RASGRF1: variants seen among roughly 807,000 people sequenced by gnomAD.
RASGRF1 encodes Ras protein specific guanine nucleotide releasing factor 1, also known as ras-specific guanine nucleotide-releasing factor 1.
A neutral mutation model predicts 138.7 loss-of-function variants in RASGRF1; 40 were observed. That is an observed-to-expected ratio of 0.29 (90% CI 0.22 to 0.38). RASGRF1 has a LOEUF of 0.38. Ranked by LOEUF, RASGRF1 falls within the 10% of genes least tolerant of loss-of-function variation. The pLI is 1.00. For synonymous variants in RASGRF1, 614 were observed against 663.2 expected (o/e 0.93, Z 1.14); for missense variants, 1,108 against 1,650.4 (o/e 0.67, Z 5.69).
chr15:79,050,041 G>A lies in RASGRF1; in HGVS notation c.532-453C>T, dbSNP rs2057409713. ...CATTTTAACAATTTTTAAGGGTATG[G>A]TTCAGTGGCATTAAGGACATTCACA... On this transcript the variant is annotated intron_variant, in intron 3 of 26. Coordinates refer to ENST00000558480, the MANE Select transcript of RASGRF1 (RefSeq NM_001145648.3). The surrounding 1 kb of genome is among the most constrained non-coding windows in gnomAD (Gnocchi z 4.1). Among the ~76,000 whole-genome samples, 1 of 152,136 alleles carries A rather than the reference G, an allele frequency of 6.6e-6. No individual in the cohort carries two copies. Among genetic ancestry groups the A allele is most frequent in the Admixed American group, 6.5e-5 (1 of 15,288 alleles).
chr15:79,005,548 CCTACTG>C (rs2056651560), intron 14 of RASGRF1: 1 of 985,612 alleles, frequency 1.0e-6, no homozygotes, highest in African/African-American at 1.7e-5. Context: ...CTGAACTTGG[CCTACTG>C]CTGGACAGCC....
chr15:79,059,850 G>A (rs879741670), intron 2 of RASGRF1, among the ~76,000 whole-genome samples: 8 of 151,832 alleles, frequency 5.3e-5, no homozygotes, highest in Non-Finnish European at 7.4e-5. Flanking sequence ...GCCTTTTTTC[G>A]TACATAGGAA....
chr15:79,083,583 C>T (rs2057942227), intron 1 of RASGRF1, among the ~76,000 whole-genome samples: 1 of 152,202 alleles, frequency 6.6e-6, no homozygotes, highest in Non-Finnish European at 1.5e-5. Flanking sequence ...CATATTTTCA[C>T]CTGCTATTAA....
intron 5 of RASGRF1, among the ~76,000 whole-genome samples, chr15:79,044,165 T>C (rs4778847): frequency 0.82 from 124,996 of 152,216 alleles, 51,452 homozygotes; most frequent in Admixed American, 0.86. Flanking sequence ...AGGGGCTGAG[T>C]TTCCTGCGAC....
chr15:79,062,696 G>A (rs184888401), intron 2 of RASGRF1, among the ~76,000 whole-genome samples: 36 of 151,836 alleles, frequency 2.4e-4, no homozygotes, highest in East Asian at 1.9e-3. Flanking sequence ...ACCACCCCCC[G>A]CTATGCCCAG....
At chr15:78,978,550 TAA>T in intron 24 of RASGRF1, 1 of 986,532 alleles carries the variant, frequency 1.0e-6, no homozygotes, top group Non-Finnish European at 1.2e-6. Flanking sequence ...AATGAAAAGC[TAA>T]AAAAAGATGC....
intron 20 of RASGRF1, among the ~76,000 whole-genome samples, chr15:78,994,622 TG>T (rs2056350404): frequency 6.6e-6 from 1 of 152,166 alleles, no homozygotes; most frequent in African/African-American, 2.4e-5. Context: ...ATCACTGACT[TG>T]GAAAAAAGTG....
In RASGRF1 at chr15:79,090,542, C is replaced by G. The variant is rs374099880; in HGVS notation, c.-44G>C. 7 of 1,590,716 alleles carry G rather than the reference C, an allele frequency of 4.4e-6. No homozygotes were observed. The highest frequency in any genetic ancestry group is 6.0e-6 in the Non-Finnish European group (7 of 1,169,820). Reference sequence around the variant, plus strand: ...AGACCCCACGCGCTTACATCTTCTCCGCGCAGCAGCCCCCCGTCCGTGCGC... The same window carrying G: ...AGACCCCACGCGCTTACATCTTCTCGGCGCAGCAGCCCCCCGTCCGTGCGC... On this transcript the variant is annotated 5_prime_UTR_variant, in exon 1 of 27. Coordinates refer to ENST00000558480, the MANE Select transcript of RASGRF1 (RefSeq NM_001145648.3).
chr15:78,972,953 C>A (rs150704152), intron 25 of RASGRF1, among the ~76,000 whole-genome samples: 2 of 152,178 alleles, frequency 1.3e-5, no homozygotes. Context: ...GACCCGGGCT[C>A]CAGACCTGGC....
chr15:78,988,480 C>G (rs570032702), intron 22 of RASGRF1, among the ~76,000 whole-genome samples: 2 of 152,340 alleles, frequency 1.3e-5, no homozygotes, highest in East Asian at 3.9e-4. Flanking sequence ...TGCTGCTGTG[C>G]TCACTGCAGG....
chr15:79,090,396 C>A lies in RASGRF1; in HGVS notation c.103G>T (p.Asp35Tyr). 1 of 1,613,646 alleles carries A rather than the reference C, an allele frequency of 6.2e-7. No individual in the cohort carries two copies. Among genetic ancestry groups the A allele is most frequent in the Non-Finnish European group, 8.5e-7 (1 of 1,179,990 alleles). Residue 35 changes from aspartate (D) to tyrosine (Y), a missense_variant, in exon 1 of 27, where the codon GAC becomes TAC. This residue lies in a region of RASGRF1 where 253 missense variants were observed against 329.5 expected (regional missense o/e 0.77). Coordinates refer to ENST00000558480, the MANE Select transcript of RASGRF1 (RefSeq NM_001145648.3). ...RKGYLSKRSS[D>Y]NTKWQTKWFA... ...CACTTGGTTTGCCATTTTGTGTTGT[C>A]CGAACTCCGCTTGCTCAGGTAGCCT...
In RASGRF1 at chr15:79,019,964, C is replaced by T. The variant is rs989406739; in HGVS notation, c.1606+77G>A. 97 of 1,560,660 alleles carry T rather than the reference C, an allele frequency of 6.2e-5. No homozygotes were observed. In the Middle Eastern group the frequency reaches 1.7e-3, roughly 27 times the overall value. On this transcript the variant is annotated intron_variant, in intron 11 of 26. Coordinates refer to ENST00000558480, the MANE Select transcript of RASGRF1 (RefSeq NM_001145648.3). ...CCATTCCTCCCAAAGAAACTAATGC[C>T]TGGCCCAACCTTTAGGAGTGAGCGT...
At chr15:78,995,319 G>A (rs2056369334) in intron 20 of RASGRF1, among the ~76,000 whole-genome samples, 1 of 138,620 alleles carries the variant, frequency 7.2e-6, no homozygotes, top group Non-Finnish European at 1.5e-5. Context: ...ATGGAGTCTC[G>A]CTCTGTTACC....
chr15:79,061,710 A>T (rs1322240676), intron 2 of RASGRF1, among the ~76,000 whole-genome samples: 1 of 152,128 alleles, frequency 6.6e-6, no homozygotes, highest in Non-Finnish European at 1.5e-5. Context: ...CACTCAGCAA[A>T]TTGATTTTGA....
At chr15:79,082,525 T>C (rs1036759090) in intron 1 of RASGRF1, among the ~76,000 whole-genome samples, 1 of 151,988 alleles carries the variant, frequency 6.6e-6, no homozygotes. Context: ...GATCTGGGGG[T>C]TGGTTGTTAT....
intron 2 of RASGRF1, among the ~76,000 whole-genome samples, chr15:79,060,264 T>C (rs1392226277): frequency 2.0e-5 from 3 of 152,172 alleles, no homozygotes; most frequent in African/African-American, 7.2e-5. Context: ...CCAGGTTGAA[T>C]GGGAGACATT....
intron 1 of RASGRF1, among the ~76,000 whole-genome samples, chr15:79,076,799 G>C (rs2057839597): frequency 1.3e-5 from 2 of 152,192 alleles, no homozygotes. Flanking sequence ...AAAGGCTCCT[G>C]CTCCTTTCAA....
intron 1 of RASGRF1, among the ~76,000 whole-genome samples, chr15:79,076,035 C>T (rs974551746): frequency 6.6e-6 from 1 of 152,260 alleles, no homozygotes; most frequent in Non-Finnish European, 1.5e-5. Context: ...TCAATGACAA[C>T]ATGCATGTCA....
At chr15:79,020,241 T>C in intron 10 of RASGRF1, 137 bp from the exon 11 acceptor site, 1 of 773,194 alleles carries the variant, frequency 1.3e-6, no homozygotes, top group African/African-American at 1.7e-5. Flanking sequence ...GGATATATTA[T>C]ATGCCAAGTG....
Sources: allele counts gnomAD v4.1 joint callset (sites outside exome capture counted in the v4.1 genomes callset), GRCh38; gene constraint gnomAD v4.1.1; regional missense constraint gnomAD v4.1.1; non-coding constraint Gnocchi (gnomAD v3.1); transcripts MANE v1.5; gene names NCBI Gene and HGNC (gene_info 2026-07-23, HGNC 2026-07-21).